TRIM26: variants seen among roughly 807,000 people sequenced by gnomAD.
TRIM26 encodes the protein tripartite motif-containing protein 26.
Under a neutral mutation model 45.5 loss-of-function variants are expected in TRIM26, and 16 were observed. The ratio of observed to expected loss-of-function variants is 0.35; its 90% CI spans 0.24 to 0.53. The LOEUF is 0.53. Among genes scored for constraint, TRIM26 ranks in the 20% least tolerant of loss-of-function variants. The pLI is 0.92. For missense variants in TRIM26, 442 were observed against 691.1 expected (o/e 0.64, Z 4.04); for synonymous variants, 273 against 290.4 (o/e 0.94, Z 0.61).
chr6:30,202,748 C>T (rs2523716), intron 2 of TRIM26, among the ~76,000 whole-genome samples: 34,772 of 151,888 alleles, frequency 0.23, 4,462 homozygotes, highest in African/African-American at 0.33. Context: ...GAAAAAGTAC[C>T]GATGGAGGAA....
At chr6:30,203,741 T>C (rs1777436421) in intron 2 of TRIM26, among the ~76,000 whole-genome samples, 2 of 151,914 alleles carry the variant, frequency 1.3e-5, no homozygotes, top group African/African-American at 4.8e-5. Flanking sequence ...TTCTAGGCAA[T>C]GGATGCTGTA....
chr6:30,211,439 G>A (rs1778279040), intron 1 of TRIM26, among the ~76,000 whole-genome samples: 1 of 152,170 alleles, frequency 6.6e-6, no homozygotes, highest in African/African-American at 2.4e-5. Flanking sequence ...GTCATTCCAA[G>A]AAGCCTCAAT....
intron 1 of TRIM26, among the ~76,000 whole-genome samples, chr6:30,211,480 A>G (rs1778283710): frequency 6.6e-6 from 1 of 152,134 alleles, no homozygotes; most frequent in Non-Finnish European, 1.5e-5. Flanking sequence ...GGGGGTTTGC[A>G]GTGTCTTCTG....
At chr6:30,187,052 T>G in intron 9 of TRIM26, 1 of 319,466 alleles carries the variant, frequency 3.1e-6, no homozygotes. Context: ...ATGACCACTA[T>G]AAAATGTTGG....
chr6:30,192,253 C>T (rs1223465695), intron 6 of TRIM26, among the ~76,000 whole-genome samples: 3 of 152,160 alleles, frequency 2.0e-5, no homozygotes, highest in Non-Finnish European at 4.4e-5. Flanking sequence ...GGCAAGCTCC[C>T]GGAGGGGATG....
At chr6:30,204,822 A>C (rs1324686041) in intron 1 of TRIM26, 57 bp from the exon 2 acceptor site, 1 of 150,064 alleles carries the variant, frequency 6.7e-6, no homozygotes, top group African/African-American at 2.5e-5. Flanking sequence ...GAGATGACCC[A>C]CTCCACCCCC....
In TRIM26 at chr6:30,189,648, C is replaced by T; in HGVS notation, c.789-115G>A. The T allele has an allele frequency of 1.1e-6, 1 of 919,656 alleles. No homozygotes were observed. Among genetic ancestry groups the T allele is most frequent in the Non-Finnish European group, 1.7e-6 (1 of 594,654 alleles). The allele number at this position is 919,656 out of a possible 1,614,324, so 57.0% of individuals were successfully genotyped here. A position where few individuals can be genotyped will look rare whatever the true frequency, so the allele number is the denominator to read the frequency against. Reference sequence around the variant, plus strand: ...GGGAGAGGAAAGGTATGATTATCCCCAAACAAGTGACAGAAAAACAGTGGC... The same window carrying T: ...GGGAGAGGAAAGGTATGATTATCCCTAAACAAGTGACAGAAAAACAGTGGC... On this transcript the variant is annotated intron_variant, in intron 7 of 9. Coordinates refer to ENST00000454678, the MANE Select transcript of TRIM26 (RefSeq NM_003449.5). The surrounding 1 kb of genome is among the most constrained non-coding windows in gnomAD (Gnocchi z 5.0).
intron 2 of TRIM26, among the ~76,000 whole-genome samples, chr6:30,203,889 A>G (rs539055463): frequency 1.1e-3 from 169 of 152,082 alleles, no homozygotes; most frequent in Middle Eastern, 0.01. Flanking sequence ...AAAAGCTAGA[A>G]AAGTTTTCTG....
rs1778027484 is a variant in TRIM26 at position 30,209,111 on chromosome 6, C to G, written c.-376+4194G>C. 6.6e-6 allele frequency among the ~76,000 whole-genome samples: 1 copy of G among 152,112 alleles called. No individual in the cohort carries two copies. The highest frequency in any genetic ancestry group is 2.1e-4 in the South Asian group (1 of 4,834). On this transcript the variant is annotated intron_variant, in intron 1 of 9. Coordinates refer to ENST00000454678, the MANE Select transcript of TRIM26 (RefSeq NM_003449.5). This position sits in a 1 kb window ranked among gnomAD's most constrained non-coding sequence, Gnocchi z 4.8. ...GGGAAGGGCCCACCCAGCTTCTGTT[C>G]TTCTTTCCCTTGGTAACTTACCATC...
Position 30,186,553 on chromosome 6 carries a change from C to G in TRIM26, c.943G>C (p.Val315Leu). The change falls in exon 10 of 10, where the codon GTC becomes CTC. Residue 315 changes from valine (V) to leucine (L), a missense_variant. Physicochemically the swap from Val to Leu is conservative, Grantham distance 32. Transcript: ENST00000454678. The surrounding 1 kb of genome is among the most constrained non-coding windows in gnomAD (Gnocchi z 7.4). ...LRDLEYKTVS[V>L]TLDPQSASGY... is the part of the protein sequence containing the mutation. ...CTGGCCGACTGTGGGTCCAGGGTGACGCTCACTGTGGGGACAAGGGAAAAA... is the reference window on the plus strand; with the variant it reads ...CTGGCCGACTGTGGGTCCAGGGTGAGGCTCACTGTGGGGACAAGGGAAAAA... 1 of 1,509,260 alleles carries G rather than the reference C, an allele frequency of 6.6e-7. No homozygotes were observed. Among genetic ancestry groups the G allele is most frequent in the Non-Finnish European group, 8.8e-7 (1 of 1,133,654 alleles). The allele number at this position is 1,509,260 out of a possible 1,614,324, so 93.5% of individuals were successfully genotyped here.
rs760252925 is a variant in TRIM26 at position 30,186,460 on chromosome 6, G to C, written c.1036C>G (p.Leu346Val). 1.9e-6 allele frequency: 3 copies of C among 1,592,886 alleles called. No homozygotes were observed. The highest frequency in any genetic ancestry group is 2.7e-5 in the African/African-American group (2 of 74,618). The change falls in exon 10 of 10, where the codon CTG becomes GTG. Residue 346 changes from leucine (L) to valine (V), a missense_variant. Leu to Val is a conservative substitution (Grantham distance 32). Transcript: ENST00000454678. The surrounding 1 kb of genome is among the most constrained non-coding windows in gnomAD (Gnocchi z 7.4). Reference sequence around the variant, plus strand: ...TCACAGTCAAACTGCTGGGGGTGCAGGTAGGCACTCTTGTACAGGCTGGTG... The same window carrying C: ...TCACAGTCAAACTGCTGGGGGTGCACGTAGGCACTCTTGTACAGGCTGGTG... Reference protein sequence around the residue: ...TYTSLYKSAYLHPQQFDCEPG... With the variant: ...TYTSLYKSAYVHPQQFDCEPG...
In TRIM26 at chr6:30,200,329, G is replaced by A. The variant is rs554128691; in HGVS notation, c.-162+706C>T. 4.6e-5 allele frequency among the ~76,000 whole-genome samples: 7 copies of A among 152,224 alleles called. No individual in the cohort carries two copies. The South Asian group carries it at 1.5e-3, about 32-fold the overall frequency. On this transcript the variant is annotated intron_variant, in intron 3 of 9. Transcript: ENST00000454678. ...ACATTAAAAAACAAACAAACAAACA[G>A]CACTGAGGTTCTTTACCAAAACTCG...
rs936686042 is a variant in TRIM26 at position 30,185,650 on chromosome 6, G to A, written c.*226C>T. On this transcript the variant is annotated 3_prime_UTR_variant, in exon 10 of 10. Coordinates refer to ENST00000454678, the MANE Select transcript of TRIM26 (RefSeq NM_003449.5). This position sits in a 1 kb window ranked among gnomAD's most constrained non-coding sequence, Gnocchi z 5.7. The stretch of plus-strand genomic sequence containing the variant: ...GGACTCCAGGGTCAGAAGTTCCCTC[G>A]GGAAACCAGCAGGAGGTGGGAAAAG... The A allele has an allele frequency of 1.6e-5, 9 of 576,966 alleles. No homozygotes were observed. The highest frequency in any genetic ancestry group is 1.3e-4 in the African/African-American group (7 of 53,186). The allele number at this position is 576,966 out of a possible 1,614,324, so 35.7% of individuals were successfully genotyped here.
rs1251499154 is a variant in TRIM26 at position 30,184,786 on chromosome 6, G to A, written c.*1090C>T. ...CTGGGAGATCAATTTGGCTGGAGCA[G>A]GGGAGCTTGTGTTAAACTGTGATGA... On this transcript the variant is annotated 3_prime_UTR_variant, in exon 10 of 10. Coordinates refer to ENST00000454678, the MANE Select transcript of TRIM26 (RefSeq NM_003449.5). 1.3e-5 allele frequency: 2 copies of A among 153,110 alleles called. No individual in the cohort carries two copies. The highest frequency in any genetic ancestry group is 1.9e-4 in the East Asian group (1 of 5,208). 9.5% of individuals were successfully genotyped at this position (153,110 alleles called of 1,614,324 possible).
At chr6:30,195,988 C>T (rs1018654225) in intron 6 of TRIM26, among the ~76,000 whole-genome samples, 1 of 152,208 alleles carries the variant, frequency 6.6e-6, no homozygotes, top group Non-Finnish European at 1.5e-5. Context: ...CCGAGGCCCC[C>T]TTGTCTGCTT....
chr6:30,196,797 G>C lies in TRIM26; in HGVS notation c.535-51C>G. ...GGCTGACACCTCTGCTCAGGGTGGA[G>C]GGCCCAGTGCTGGAGGTGTGCAAGG... On this transcript the variant is annotated intron_variant, in intron 5 of 9. Coordinates refer to ENST00000454678, the MANE Select transcript of TRIM26 (RefSeq NM_003449.5). This position sits in a 1 kb window ranked among gnomAD's most constrained non-coding sequence, Gnocchi z 4.9. 6.3e-7 allele frequency: 1 copy of C among 1,588,596 alleles called. No homozygotes were observed. The highest frequency in any genetic ancestry group is 8.6e-7 in the Non-Finnish European group (1 of 1,159,264).
rs1222545400 is a variant in TRIM26, at chr6:30,190,872, C to A, written c.766-837G>T. 6.6e-6 allele frequency among the ~76,000 whole-genome samples: 1 copy of A among 152,114 alleles called. No individual in the cohort carries two copies. The highest frequency in any genetic ancestry group is 1.5e-5 in the Non-Finnish European group (1 of 68,028). The stretch of plus-strand genomic sequence containing the variant: ...ACAGCTACTGTGATAGCTCTAGACC[C>A]TGCACCTCTGAACTGTTAACTGAGG... On this transcript the variant is annotated intron_variant, in intron 6 of 9. Transcript: ENST00000454678. The surrounding 1 kb of genome is among the most constrained non-coding windows in gnomAD (Gnocchi z 4.3).
intron 5 of TRIM26, among the ~76,000 whole-genome samples, chr6:30,197,307 T>C (rs1013555342): frequency 6.6e-6 from 1 of 152,014 alleles, no homozygotes; most frequent in African/African-American, 2.4e-5. Flanking sequence ...CCAGCTGGGG[T>C]TGGGGGAGTC....
At chr6:30,191,910 T>C (rs1581665394) in intron 6 of TRIM26, among the ~76,000 whole-genome samples, 1 of 152,218 alleles carries the variant, frequency 6.6e-6, no homozygotes, top group African/African-American at 2.4e-5. Context: ...GAGCAGTAGC[T>C]GGAGTGTGGG....
Sources: allele counts gnomAD v4.1 joint callset (sites outside exome capture counted in the v4.1 genomes callset), GRCh38; gene constraint gnomAD v4.1.1; non-coding constraint Gnocchi (gnomAD v3.1); transcripts MANE v1.5; gene names NCBI Gene and HGNC (gene_info 2026-07-23, HGNC 2026-07-21).